Variants in DYNC2H1 observed in about 807,000 individuals in gnomAD.
The protein encoded by DYNC2H1 is cytoplasmic dynein 2 heavy chain 1.
Under a neutral mutation model 570.0 loss-of-function variants are expected in DYNC2H1, and 410 were observed. The ratio of observed to expected loss-of-function variants is 0.72; its 90% confidence interval spans 0.66 to 0.78. DYNC2H1 has a LOEUF of 0.78. DYNC2H1 is among the 30% of genes least tolerant of loss of function. DYNC2H1 has a pLI of 0.00. For synonymous variants in DYNC2H1, 1,688 were observed against 1,677.6 expected (o/e 1.01, Z -0.15); for missense variants, 4,865 against 5,046.4 (o/e 0.96, Z 1.09).
chr11:103,282,996 C>T lies in DYNC2H1; in HGVS notation c.10813-12C>T, dbSNP rs1461220307. 5.0e-6 allele frequency: 8 copies of T among 1,586,304 alleles called. No individual in the cohort carries two copies. Among genetic ancestry groups the T allele is most frequent in the Non-Finnish European group, 6.9e-6 (8 of 1,165,582 alleles). ...CCAAGTATACTAAGGAAAATAATTG[C>T]TTTTATTAAAGGACTCTCAACAAAA... On this transcript the variant is annotated splice_polypyrimidine_tract_variant and intron_variant, in intron 72 of 88. Coordinates refer to ENST00000375735, the MANE Select transcript of DYNC2H1 (RefSeq NM_001377.3).
intron 87 of DYNC2H1, among the ~76,000 whole-genome samples, chr11:103,467,887 G>A (rs565564630): frequency 6.6e-6 from 1 of 152,298 alleles, no homozygotes; most frequent in Admixed American, 6.5e-5. Context: ...TTCAAATTAT[G>A]ATAATATAGA....
At chr11:103,448,911 C>T (rs1437425955) in intron 85 of DYNC2H1, among the ~76,000 whole-genome samples, 1 of 136,734 alleles carries the variant, frequency 7.3e-6, no homozygotes, top group Non-Finnish European at 1.6e-5. Context: ...TTAAATTGAT[C>T]AAAGATTCTT....
rs201016942 is a variant in DYNC2H1, at chr11:103,166,005, A to G, written c.4719A>G (p.Gln1573=). ...IETQLVNKLE[Q]YTNIDTSSED... ...CACAACTGGTGAATAAGTTAGAGCAATATACTAACATTGATACAAGTTCTG... is the reference window on the plus strand; with the variant it reads ...CACAACTGGTGAATAAGTTAGAGCAGTATACTAACATTGATACAAGTTCTG... Residue 1573 remains glutamine (Q), a synonymous_variant, in exon 31 of 89, where the codon CAA becomes CAG. Transcript: ENST00000375735. 6.8e-4 allele frequency: 1,050 copies of G among 1,534,834 alleles called. 16 individuals carry two copies. In the South Asian group the frequency reaches 9.2e-3, roughly 13 times the overall value.
At chr11:103,432,709 A>G (rs1293816207) in intron 84 of DYNC2H1, among the ~76,000 whole-genome samples, 2 of 152,218 alleles carry the variant, frequency 1.3e-5, no homozygotes, top group South Asian at 2.1e-4. Flanking sequence ...ACATAACTAC[A>G]TTTATTTAAG....
At chr11:103,384,093 A>C (rs1485144905) in intron 83 of DYNC2H1, among the ~76,000 whole-genome samples, 1 of 152,196 alleles carries the variant, frequency 6.6e-6, no homozygotes, top group African/African-American at 2.4e-5. Context: ...TTTGAAAAGA[A>C]TGAATATTCT....
At chr11:103,116,785 GTCCT>G in intron 5 of DYNC2H1, 71 bp downstream of exon 5, 3 of 1,402,188 alleles carry the variant, frequency 2.1e-6, no homozygotes, top group Non-Finnish European at 2.8e-6. Flanking sequence ...TATCCTTTAA[GTCCT>G]TACTTAAAAT....
In DYNC2H1 at chr11:103,241,321, G is replaced by T. The variant is rs1195261098; in HGVS notation, c.9820-2372G>T. Among the ~76,000 whole-genome samples the T allele has an allele frequency of 1.3e-5, 2 of 152,108 alleles. No individual in the cohort carries two copies. The highest frequency in any genetic ancestry group is 4.8e-5 in the African/African-American group (2 of 41,422). On this transcript the variant is annotated intron_variant, in intron 63 of 88. Transcript: ENST00000375735. This position sits in a 1 kb window ranked among gnomAD's most constrained non-coding sequence, Gnocchi z 5.1. ...AATAAATGAAAGCTCAACATTTTTG[G>T]ATTGAGTATAGTTGTAGAATTTAAC...
chr11:103,424,221 T>C (rs1943588215), intron 84 of DYNC2H1, among the ~76,000 whole-genome samples: 1 of 151,658 alleles, frequency 6.6e-6, no homozygotes, highest in Non-Finnish European at 1.5e-5. Context: ...TCATACACTC[T>C]AGAGAGGTGA....
rs562093192 is a variant in DYNC2H1, at chr11:103,217,686, G to A, written c.8832+1828G>A. ...ACCTTGGTGAGGCAAAGACTTGTTT[G>A]ATGTGATATCAAAATAGAAAAAGAA... On this transcript the variant is annotated intron_variant, in intron 55 of 88. Transcript: ENST00000375735. Among the ~76,000 whole-genome samples the A allele has an allele frequency of 5.9e-5, 9 of 152,180 alleles. No homozygotes were observed. The South Asian group carries it at 1.7e-3, about 28-fold the overall frequency.
Position 103,368,319 on chromosome 11 carries a change from G to A in DYNC2H1, c.12156+9960G>A, listed in dbSNP as rs7117796. ...TCTAACTGGAATGAGACAACATCTC[G>A]TTGTGGTTTTGATTTGCATTTCTCT... On this transcript the variant is annotated intron_variant, in intron 83 of 88. Coordinates refer to ENST00000375735, the MANE Select transcript of DYNC2H1 (RefSeq NM_001377.3). 4.6e-3 allele frequency among the ~76,000 whole-genome samples: 696 copies of A among 152,060 alleles called. 8 individuals are homozygous for A. Among genetic ancestry groups the A allele is most frequent in the African/African-American group, 0.016 (644 of 41,494 alleles).
intron 87 of DYNC2H1, among the ~76,000 whole-genome samples, chr11:103,466,460 C>T (rs1945196499): frequency 6.6e-6 from 1 of 152,030 alleles, no homozygotes; most frequent in East Asian, 1.9e-4. Context: ...AAAGTGAAAA[C>T]ACAGGCCACA....
At chr11:103,316,065 T>C (rs984840188) in intron 79 of DYNC2H1, among the ~76,000 whole-genome samples, 11 of 152,166 alleles carry the variant, frequency 7.2e-5, no homozygotes, top group African/African-American at 2.6e-4. Flanking sequence ...TATACAAACA[T>C]TGTAGCTATT....
chr11:103,435,573 T>C (rs1333161248), intron 84 of DYNC2H1, among the ~76,000 whole-genome samples: 1 of 152,138 alleles, frequency 6.6e-6, no homozygotes, highest in East Asian at 1.9e-4. Context: ...GCTCTATTTA[T>C]AGTTTTAAAA....
Position 103,259,903 on chromosome 11 carries a change from G to A in DYNC2H1, c.10621G>A (p.Glu3541Lys). The A allele has an allele frequency of 6.5e-7, 1 of 1,538,060 alleles. No individual in the cohort carries two copies. The highest frequency in any genetic ancestry group is 2.0e-5 in the Admixed American group (1 of 50,038). The part of the protein sequence containing the change: ...LQNKQDSENT[E>K]QRIQSLISSL... ...TAATCTACAGGATTCTGAAAATACA[G>A]AACAGAGAATCCAGTCACTTATCAG... The change falls in exon 70 of 89, where the codon GAA (glutamate) becomes AAA (lysine). Residue 3541 changes from glutamate to lysine, a missense_variant. Physicochemically the swap from Glu to Lys is moderately conservative, Grantham distance 56. Transcript: ENST00000375735.
At chr11:103,473,998 A>G (rs1310304912) in intron 88 of DYNC2H1, 1 of 159,908 alleles carries the variant, frequency 6.3e-6, no homozygotes, top group Non-Finnish European at 1.4e-5. Flanking sequence ...ATATCAGAAG[A>G]TATGTGTTGA....
At chr11:103,347,934 G>A (rs879717292) in intron 82 of DYNC2H1, among the ~76,000 whole-genome samples, 2 of 152,108 alleles carry the variant, frequency 1.3e-5, no homozygotes, top group African/African-American at 2.4e-5. Flanking sequence ...TCTCTTGAAA[G>A]GCAGTGGCAA....
chr11:103,238,892 T>C (rs1197441137), intron 63 of DYNC2H1, among the ~76,000 whole-genome samples: 1 of 152,196 alleles, frequency 6.6e-6, no homozygotes, highest in Non-Finnish European at 1.5e-5. Flanking sequence ...AGTGATCATA[T>C]GTCCTGGATT....
chr11:103,446,470 A>G lies in DYNC2H1; in HGVS notation c.12457-8716A>G, dbSNP rs959671510. On this transcript the variant is annotated intron_variant, in intron 85 of 88. Transcript: ENST00000375735. The surrounding 1 kb of genome is among the most constrained non-coding windows in gnomAD (Gnocchi z 4.5). ...TTAGAGAAAAATCATGTTTGGCAAC[A>G]TGGAAGACGTTGGTGATCTTGAGGA... Among the ~76,000 whole-genome samples the G allele has an allele frequency of 6.6e-6, 1 of 152,212 alleles. No individual in the cohort carries two copies. Among genetic ancestry groups the G allele is most frequent in the Non-Finnish European group, 1.5e-5 (1 of 68,038 alleles).
At chr11:103,437,592 TTCTG>T (rs1219114066) in intron 85 of DYNC2H1, among the ~76,000 whole-genome samples, 1 of 152,282 alleles carries the variant, frequency 6.6e-6, no homozygotes, top group Non-Finnish European at 1.5e-5. Flanking sequence ...TTAGTCATCT[TTCTG>T]TCTATCTGCT....
Sources: allele counts gnomAD v4.1 joint callset (sites outside exome capture counted in the v4.1 genomes callset), GRCh38; gene constraint gnomAD v4.1.1; non-coding constraint Gnocchi (gnomAD v3.1); transcripts MANE v1.5; gene names NCBI Gene and HGNC (gene_info 2026-07-23, HGNC 2026-07-21).